Variants in ARHGAP6 observed in about 807,000 individuals in gnomAD.
The protein encoded by ARHGAP6 is rho GTPase-activating protein 6.
In ARHGAP6, 16 loss-of-function variants were observed where a neutral mutation model predicts 55.7. The ratio of observed to expected loss-of-function variants is 0.29; its 90% CI spans 0.19 to 0.44. The LOEUF is 0.44. ARHGAP6 is among the 20% of genes least tolerant of loss of function. The pLI, the probability that ARHGAP6 is intolerant of heterozygous loss-of-function variation, is 1.00. For synonymous variants in ARHGAP6, 382 were observed against 360.9 expected, an observed-to-expected ratio of 1.06 and a Z score of -0.66; for missense variants, 698 against 808.9, an observed-to-expected ratio of 0.86 and a Z score of 1.66.
intron 1 of ARHGAP6, among the ~76,000 whole-genome samples, chrX:11,613,138 T>C (rs2052122586): frequency 8.9e-6 from 1 of 112,218 alleles, no homozygotes; most frequent in South Asian, 3.7e-4. Context: ...GGTTGGCCCA[T>C]AGCAGCCATA....
At chrX:11,389,620 A>G (rs1179854473) in intron 1 of ARHGAP6, among the ~76,000 whole-genome samples, 1 of 112,566 alleles carries the variant, frequency 8.9e-6, no homozygotes, top group Non-Finnish European at 1.9e-5. Flanking sequence ...TGCTTAAAAT[A>G]TCTGTGTTTG....
At chrX:11,236,333 C>T (rs1408009736) in intron 2 of ARHGAP6, among the ~76,000 whole-genome samples, 1 of 111,550 alleles carries the variant, frequency 9.0e-6, no homozygotes, top group Non-Finnish European at 1.9e-5. Flanking sequence ...GGGTAACAGT[C>T]CCCATGATTC....
At chrX:11,324,234 T>C (rs778995723) in intron 1 of ARHGAP6, among the ~76,000 whole-genome samples, 385 of 112,052 alleles carry the variant, frequency 3.4e-3, no homozygotes, top group South Asian at 6.7e-3. Context: ...AACATGGCTT[T>C]CCCAGTACCA....
At chrX:11,510,680 C>T (rs768093377) in intron 1 of ARHGAP6, among the ~76,000 whole-genome samples, 1 of 111,240 alleles carries the variant, frequency 9.0e-6, no homozygotes, top group Admixed American at 9.7e-5. Context: ...CTGAAGACTA[C>T]GGAGTGATAG....
intron 1 of ARHGAP6, among the ~76,000 whole-genome samples, chrX:11,557,358 AAG>A (rs1190288558): frequency 8.9e-6 from 1 of 111,852 alleles, no homozygotes; most frequent in African/African-American, 3.2e-5. Context: ...ATAAAATACT[AAG>A]AGTTTGTATG....
At chrX:11,289,814 G>A (rs1252581076) in intron 1 of ARHGAP6, among the ~76,000 whole-genome samples, 4 of 110,706 alleles carry the variant, frequency 3.6e-5, no homozygotes, top group Non-Finnish European at 5.7e-5. Context: ...GTGAAACCCC[G>A]TCTCTACTAA....
At chrX:11,167,686 T>G (rs760027375) in intron 9 of ARHGAP6, among the ~76,000 whole-genome samples, 1 of 111,748 alleles carries the variant, frequency 8.9e-6, no homozygotes, top group South Asian at 3.8e-4. Context: ...AAAGGAGAAC[T>G]TTGCTTAGAT....
chrX:11,187,680 T>C (rs1241964856), intron 4 of ARHGAP6, among the ~76,000 whole-genome samples: 1 of 111,891 alleles, frequency 8.9e-6, no homozygotes, highest in Non-Finnish European at 1.9e-5. Flanking sequence ...GGGAAGTGTC[T>C]GGGGTTTTAA....
At chrX:11,443,724 C>T (rs1447113984) in intron 1 of ARHGAP6, among the ~76,000 whole-genome samples, 1 of 111,692 alleles carries the variant, frequency 9.0e-6, no homozygotes, top group Non-Finnish European at 1.9e-5. Flanking sequence ...GTCAGGAGAT[C>T]GAGACCATCC....
chrX:11,568,018 A>G (rs1245045984), intron 1 of ARHGAP6, among the ~76,000 whole-genome samples: 1 of 111,518 alleles, frequency 9.0e-6, no homozygotes, highest in Non-Finnish European at 1.9e-5. Context: ...GGCAATTCCC[A>G]CTGTTAGAAG....
intron 1 of ARHGAP6, among the ~76,000 whole-genome samples, chrX:11,577,441 A>G (rs2051613266): frequency 8.9e-6 from 1 of 111,957 alleles, no homozygotes; most frequent in South Asian, 3.7e-4. Flanking sequence ...CTCTTCATCC[A>G]TCACCAGTTG....
chrX:11,254,543 C>T lies in ARHGAP6; in HGVS notation c.748+5G>A, dbSNP rs924394823. On this transcript the variant is annotated splice_donor_5th_base_variant and intron_variant, in intron 2 of 12. Coordinates refer to ENST00000337414, the MANE Select transcript of ARHGAP6 (RefSeq NM_013427.3). Reference sequence around the variant, plus strand: ...TCCCCGGCAGAAAGGCAGAAGAGGCCTTACCTTTGGGAATGGTGATCTGAC... The same window carrying T: ...TCCCCGGCAGAAAGGCAGAAGAGGCTTTACCTTTGGGAATGGTGATCTGAC... 2 of 1,207,909 alleles carry T rather than the reference C, an allele frequency of 1.7e-6. No individual in the cohort carries two copies. The highest frequency in any genetic ancestry group is 2.2e-6 in the Non-Finnish European group (2 of 894,112).
chrX:11,647,325 G>C lies in ARHGAP6; in HGVS notation c.588+16916C>G, dbSNP rs745836952. Among the ~76,000 whole-genome samples the C allele has an allele frequency of 2.3e-4, 26 of 112,248 alleles. No homozygotes were observed. In the South Asian group the frequency reaches 9.0e-3, roughly 39 times the overall value. Reference sequence around the variant, plus strand: ...TGATGTAAATGAATATGTACTCAAAGCTTAGCTCTTCCTCCCCCTTCTGAC... The same window carrying C: ...TGATGTAAATGAATATGTACTCAAACCTTAGCTCTTCCTCCCCCTTCTGAC... On this transcript the variant is annotated intron_variant, in intron 1 of 12. Coordinates refer to ENST00000337414, the MANE Select transcript of ARHGAP6 (RefSeq NM_013427.3).
chrX:11,579,705 T>A (rs1162494995), intron 1 of ARHGAP6, among the ~76,000 whole-genome samples: 1 of 112,324 alleles, frequency 8.9e-6, no homozygotes, highest in African/African-American at 3.2e-5. Context: ...CAAAAAGTTA[T>A]CTCTAAATGA....
intron 1 of ARHGAP6, among the ~76,000 whole-genome samples, chrX:11,369,878 T>C (rs1304698568): frequency 8.9e-6 from 1 of 112,411 alleles, no homozygotes; most frequent in Non-Finnish European, 1.9e-5. Context: ...GGATAGTGCC[T>C]TAAAAATGGA....
chrX:11,590,640 C>A (rs1385112321), intron 1 of ARHGAP6, among the ~76,000 whole-genome samples: 1 of 105,400 alleles, frequency 9.5e-6, no homozygotes, highest in Non-Finnish European at 1.9e-5. Flanking sequence ...CAAAAATTAG[C>A]CAGGCGTGGT....
chrX:11,543,241 G>A (rs2051178079), intron 1 of ARHGAP6, among the ~76,000 whole-genome samples: 1 of 112,932 alleles, frequency 8.9e-6, no homozygotes, highest in South Asian at 3.6e-4. Context: ...TGTCCTTAGT[G>A]GCTTGATTCA....
At chrX:11,612,517 T>G (rs962572140) in intron 1 of ARHGAP6, among the ~76,000 whole-genome samples, 1 of 111,883 alleles carries the variant, frequency 8.9e-6, no homozygotes, top group Non-Finnish European at 1.9e-5. Flanking sequence ...AGGCCCTAGA[T>G]AGTTCATCTG....
intron 1 of ARHGAP6, among the ~76,000 whole-genome samples, chrX:11,570,250 A>T (rs571224923): frequency 1.8e-5 from 2 of 111,992 alleles, no homozygotes; most frequent in African/African-American, 6.5e-5. Flanking sequence ...TAAGTATTAC[A>T]TTTACTAATC....
Sources: gnomAD v4.1 joint callset for allele counts (sites outside exome capture counted in the v4.1 genomes callset) on GRCh38, gnomAD v4.1.1 for gene constraint, MANE v1.5 for transcripts, NCBI Gene and HGNC (gene_info 2026-07-23, HGNC 2026-07-21) for gene names.